TMOD1: variants seen among roughly 807,000 people sequenced by gnomAD.
The protein encoded by TMOD1 is tropomodulin-1.
Under a neutral mutation model 40.6 loss-of-function variants are expected in TMOD1, and 17 were observed. That is an observed-to-expected ratio of 0.42 (90% CI 0.29 to 0.63). TMOD1 has a LOEUF of 0.63. Among genes scored for constraint, TMOD1 ranks in the 20% least tolerant of loss-of-function variants. TMOD1 has a pLI of 0.22. For synonymous variants in TMOD1, 181 were observed against 175.0 expected, an observed-to-expected ratio of 1.03 and a Z score of -0.27; for missense variants, 391 against 447.6, an observed-to-expected ratio of 0.87 and a Z score of 1.14.
At position 97,502,518 on chromosome 9, in the gene TMOD1, G is replaced by C. The variant is rs1170365801; in HGVS notation, c.-49+715G>C. On this transcript the variant is annotated intron_variant, in intron 1 of 9. Transcript: ENST00000259365. This position sits in a 1 kb window ranked among gnomAD's most constrained non-coding sequence, Gnocchi z 6.1. ...GGATCTCAGTCTCCCATTTGTAGGGGCGAGGTTTGGTAGCCGCGATGGAGC... is the reference window on the plus strand; with the variant it reads ...GGATCTCAGTCTCCCATTTGTAGGGCCGAGGTTTGGTAGCCGCGATGGAGC... Among the ~76,000 whole-genome samples the C allele has an allele frequency of 6.6e-6, 1 of 152,174 alleles. No homozygotes were observed. Among genetic ancestry groups the C allele is most frequent in the Non-Finnish European group, 1.5e-5 (1 of 68,026 alleles).
At chr9:97,580,250 AATT>A (rs956075084) in intron 8 of TMOD1, among the ~76,000 whole-genome samples, 4 of 152,134 alleles carry the variant, frequency 2.6e-5, no homozygotes, top group Non-Finnish European at 4.4e-5. Context: ...CTGGTTTTTA[AATT>A]ATTATTATTA....
Position 97,546,360 on chromosome 9 carries a change from G to C in TMOD1, c.277+19G>C. 6.2e-7 allele frequency: 1 copy of C among 1,609,396 alleles called. No homozygotes were observed. The highest frequency in any genetic ancestry group is 1.1e-5 in the South Asian group (1 of 90,264). ...AAACGAGGTACTGAACAATGTTACT[G>C]TTATAATATGCCACTCCCCATGCAC... On this transcript the variant is annotated intron_variant, in intron 3 of 9. Transcript: ENST00000259365.
At chr9:97,542,269 T>C (rs888360595) in intron 2 of TMOD1, among the ~76,000 whole-genome samples, 3 of 152,220 alleles carry the variant, frequency 2.0e-5, no homozygotes, top group South Asian at 2.1e-4. Flanking sequence ...TTGTTAAACA[T>C]ACCATTTAAT....
intron 4 of TMOD1, chr9:97,555,797 G>A: frequency 9.3e-7 from 1 of 1,076,032 alleles, no homozygotes; most frequent in Non-Finnish European, 1.4e-6. Flanking sequence ...TTTTATGGAT[G>A]GAGAAAGTAG....
chr9:97,589,885 T>C (rs1055631072), intron 8 of TMOD1, among the ~76,000 whole-genome samples: 1 of 151,988 alleles, frequency 6.6e-6, no homozygotes, highest in African/African-American at 2.4e-5. Flanking sequence ...TTTTATTATA[T>C]ATGGTAATAG....
chr9:97,524,060 CT>C, intron 1 of TMOD1, 80 bp from the exon 2 acceptor site: 7 of 1,029,172 alleles, frequency 6.8e-6, no homozygotes, highest in Non-Finnish European at 9.8e-6. Context: ...ACCCAGGCCG[CT>C]GTGTGAACGA....
intron 1 of TMOD1, among the ~76,000 whole-genome samples, chr9:97,504,461 T>C (rs566816232): frequency 1.7e-4 from 25 of 151,466 alleles, no homozygotes; most frequent in African/African-American, 5.6e-4. Context: ...GGATAAAGAG[T>C]ATGGCAAGTA....
At position 97,524,280 on chromosome 9, in the gene TMOD1, A is replaced by G; in HGVS notation, c.92A>G (p.Glu31Gly). ...ACAGAGGAAGAGCTGAGGACCCTGG[A>G]AAATGAGCTGGATGAGCTGGACCCT... The part of the protein sequence containing the change: ...ALTEEELRTL[E>G]NELDELDPDN... The change falls in exon 2 of 10, where the codon GAA becomes GGA. Residue 31 changes from glutamate to glycine, a missense_variant. Coordinates refer to ENST00000259365, the MANE Select transcript of TMOD1 (RefSeq NM_003275.4). 2 of 1,614,088 alleles carry G rather than the reference A, an allele frequency of 1.2e-6. No individual in the cohort carries two copies. Among genetic ancestry groups the G allele is most frequent in the Non-Finnish European group, 1.7e-6 (2 of 1,179,968 alleles).
At chr9:97,569,167 C>T in intron 8 of TMOD1, 130 bp downstream of exon 8, 9 of 1,176,484 alleles carry the variant, frequency 7.6e-6, no homozygotes, top group Non-Finnish European at 9.5e-6. Context: ...TGAGGGACCT[C>T]CAAGGTCCCT....
rs556608191 is a variant in TMOD1, at chr9:97,536,441, A to G, written c.121-9744A>G. Among the ~76,000 whole-genome samples, 165 of 152,090 alleles carry G rather than the reference A, an allele frequency of 1.1e-3. 1 individual carries two copies. Among genetic ancestry groups the G allele is most frequent in the African/African-American group, 3.8e-3 (159 of 41,486 alleles). ...AGCTGGAAGTTCGAAAAGTGAGGCC[A>G]CTTTGGTTTCACTCCTACCCCAGGA... On this transcript the variant is annotated intron_variant, in intron 2 of 9. Coordinates refer to ENST00000259365, the MANE Select transcript of TMOD1 (RefSeq NM_003275.4).
chr9:97,599,919 T>C lies in TMOD1; in HGVS notation c.*221T>C, dbSNP rs960205905. Reference sequence around the variant, plus strand: ...TTTAGTCACAGAAGTTGAATCTGGTTATTATTTAAAAACTAGAAGCCCCCA... The same window carrying C: ...TTTAGTCACAGAAGTTGAATCTGGTCATTATTTAAAAACTAGAAGCCCCCA... On this transcript the variant is annotated 3_prime_UTR_variant, in exon 10 of 10. Transcript: ENST00000259365. 13 of 1,314,352 alleles carry C rather than the reference T, an allele frequency of 9.9e-6. No individual in the cohort carries two copies. In the African/African-American group the frequency reaches 1.9e-4, roughly 20 times the overall value. The allele number at this position is 1,314,352 out of a possible 1,614,324, so 81.4% of individuals were successfully genotyped here. A position where few individuals can be genotyped will look rare whatever the true frequency, so the allele number is the denominator to read the frequency against.
chr9:97,544,880 G>A (rs1174198242), intron 2 of TMOD1, among the ~76,000 whole-genome samples: 2 of 151,856 alleles, frequency 1.3e-5, no homozygotes, highest in African/African-American at 2.4e-5. Flanking sequence ...GTGGTGTCAG[G>A]CACCTGTAAT....
At chr9:97,547,580 G>C (rs1830385312) in intron 3 of TMOD1, among the ~76,000 whole-genome samples, 1 of 152,212 alleles carries the variant, frequency 6.6e-6, no homozygotes, top group East Asian at 1.9e-4. Flanking sequence ...CAAGCGCTTA[G>C]AACAGCATCT....
intron 7 of TMOD1, among the ~76,000 whole-genome samples, chr9:97,567,311 G>A (rs1356416297): frequency 6.6e-6 from 1 of 152,128 alleles, no homozygotes; most frequent in Non-Finnish European, 1.5e-5. Context: ...ATGTTTTTTG[G>A]GCATGGACTC....
intron 9 of TMOD1, among the ~76,000 whole-genome samples, chr9:97,594,778 C>T (rs1255358698): frequency 6.6e-6 from 1 of 152,238 alleles, no homozygotes; most frequent in East Asian, 1.9e-4. Flanking sequence ...CTGTGGATCC[C>T]ATCTGCGTTT....
rs1830667143 is a variant in TMOD1, at chr9:97,563,140, A to T, written c.487+319A>T. On this transcript the variant is annotated intron_variant, in intron 5 of 9. Transcript: ENST00000259365. ...ACAATCTTGACACACTGCAGCCTGG[A>T]CCTCCTGGGCTTAAGCGATCCTCCC... Among the ~76,000 whole-genome samples, 3 of 152,096 alleles carry T rather than the reference A, an allele frequency of 2.0e-5. No individual in the cohort carries two copies. The South Asian group carries it at 6.2e-4, about 32-fold the overall frequency.
intron 1 of TMOD1, among the ~76,000 whole-genome samples, chr9:97,506,108 C>T (rs984027682): frequency 5.3e-5 from 8 of 152,178 alleles, no homozygotes; most frequent in African/African-American, 1.9e-4. Context: ...CTGCCTTTCC[C>T]CTGCTGTTCT....
chr9:97,511,101 C>CAG (rs869072908), intron 1 of TMOD1, among the ~76,000 whole-genome samples: 5 of 40,356 alleles, frequency 1.2e-4, no homozygotes, highest in Admixed American at 2.2e-4. Flanking sequence ...CACACACACA[C>CAG]ACACACACAC....
chr9:97,524,003 G>A lies in TMOD1; in HGVS notation c.-48-138G>A, dbSNP rs369171403. Reference sequence around the variant, plus strand: ...TATTAGAGAATTAGCCAAACTTAGTGTAGTATTCCACCATAGTAATGATTA... The same window carrying A: ...TATTAGAGAATTAGCCAAACTTAGTATAGTATTCCACCATAGTAATGATTA... On this transcript the variant is annotated intron_variant, in intron 1 of 9. Transcript: ENST00000259365. 5 of 556,424 alleles carry A rather than the reference G, an allele frequency of 9.0e-6. No homozygotes were observed. The East Asian group carries it at 1.6e-4, about 18-fold the overall frequency. 34.5% of individuals were successfully genotyped at this position (556,424 alleles called of 1,614,324 possible). A position where few individuals can be genotyped will look rare whatever the true frequency, so the allele number is the denominator to read the frequency against.
Sources: allele counts gnomAD v4.1 joint callset (sites outside exome capture counted in the v4.1 genomes callset), GRCh38; gene constraint gnomAD v4.1.1; non-coding constraint Gnocchi (gnomAD v3.1); transcripts MANE v1.5; gene names NCBI Gene and HGNC (gene_info 2026-07-23, HGNC 2026-07-21).